Variants in CACNA1G observed in about 807,000 individuals in gnomAD.
The protein encoded by CACNA1G is voltage-dependent T-type calcium channel subunit alpha-1G.
CACNA1G carries 67 observed loss-of-function variants against 219.4 expected under a neutral mutation model. The observed-to-expected ratio is 0.31, with a 90% confidence interval of 0.25 to 0.37. The LOEUF (loss-of-function observed/expected upper bound fraction) is 0.37, where lower values mean the gene tolerates loss of function less well. Among genes scored for constraint, CACNA1G ranks in the 10% least tolerant of loss-of-function variants. CACNA1G has a pLI of 1.00. For missense variants in CACNA1G, 2,380 were observed against 3,231.4 expected, an observed-to-expected ratio of 0.74 and a Z score of 6.39; for synonymous variants, 1,296 against 1,345.3, an observed-to-expected ratio of 0.96 and a Z score of 0.80.
chr17:50,573,580 A>G (rs1446572314), intron 7 of CACNA1G: 1 of 153,724 alleles, frequency 6.5e-6, no homozygotes, highest in Non-Finnish European at 1.4e-5. Flanking sequence ...TTTTGTAAGG[A>G]CAAGGGGAGT....
rs2050835003 is a variant in CACNA1G, at chr17:50,617,467, T to C, written c.5051T>C (p.Leu1684Pro). The change falls in exon 29 of 38, where the codon CTG becomes CCG. Residue 1684 changes from leucine to proline, a missense_variant. Transcript: ENST00000359106. This position sits in a 1 kb window ranked among gnomAD's most constrained non-coding sequence, Gnocchi z 5.8. Reference protein sequence around the residue: ...RWNQLDLAIVLLSIMGITLEE... With the variant: ...RWNQLDLAIVPLSIMGITLEE... The stretch of plus-strand genomic sequence containing the variant: ...AACCAGCTGGACCTGGCCATTGTGC[T>C]GCTGTCCATCATGGGCATCACGCTG... 6.2e-7 allele frequency: 1 copy of C among 1,613,818 alleles called. No individual in the cohort carries two copies.
chr17:50,624,341 C>CCGA lies in CACNA1G; in HGVS notation c.6230-19_6230-18insCGA. 6.8e-7 allele frequency: 1 copy of CCGA among 1,471,222 alleles called. No homozygotes were observed. Among genetic ancestry groups the CCGA allele is most frequent in the Non-Finnish European group, 9.3e-7 (1 of 1,076,544 alleles). 91.1% of individuals were successfully genotyped at this position (1,471,222 alleles called of 1,614,324 possible). ...CCATTCTCTCCCCCCACCCCTCCCC[C>CCGA]GCTTCCCTCCCTCCACAGGCTCCGT... On this transcript the variant is annotated intron_variant, in intron 36 of 37. Coordinates refer to ENST00000359106, the MANE Select transcript of CACNA1G (RefSeq NM_018896.5).
rs898084056 is a variant in CACNA1G, at chr17:50,571,065, A to G, written c.587-813A>G. Among the ~76,000 whole-genome samples the G allele has an allele frequency of 2.6e-5, 4 of 152,194 alleles. No individual in the cohort carries two copies. Among genetic ancestry groups the G allele is most frequent in the Non-Finnish European group, 4.4e-5 (3 of 68,042 alleles). On this transcript the variant is annotated intron_variant, in intron 4 of 37. Transcript: ENST00000359106. This position sits in a 1 kb window ranked among gnomAD's most constrained non-coding sequence, Gnocchi z 4.3. ...GCCGGTTGGGTTCTAGACCTGGAGT[A>G]CGGAGAGAGGGAAGTAACCCTAACA...
At chr17:50,622,964 G>T (rs2052525980) in intron 35 of CACNA1G, among the ~76,000 whole-genome samples, 2 of 152,072 alleles carry the variant, frequency 1.3e-5, no homozygotes, top group Non-Finnish European at 2.9e-5. Flanking sequence ...TGGGGCTGCT[G>T]TAAGAACTGG....
chr17:50,599,538 C>G lies in CACNA1G; in HGVS notation c.3369C>G (p.Ser1123Arg), dbSNP rs1359160653. Residue 1123 changes from serine to arginine, a missense_variant, in exon 17 of 38, where the codon AGC becomes AGG. Coordinates refer to ENST00000359106, the MANE Select transcript of CACNA1G (RefSeq NM_018896.5). Reference sequence around the variant, plus strand: ...GTGCACCCAGCCTGAAGCGGAGAAGCCCAAGTGGAGAGCGGCGGTCCCTGT... The same window carrying G: ...GTGCACCCAGCCTGAAGCGGAGAAGGCCAAGTGGAGAGCGGCGGTCCCTGT... ...LGRAPSLKRRSPSGERRSLLS... is the reference protein window; with the variant it reads ...LGRAPSLKRRRPSGERRSLLS... 1 of 1,612,528 alleles carries G rather than the reference C, an allele frequency of 6.2e-7. No individual in the cohort carries two copies. The highest frequency in any genetic ancestry group is 2.2e-5 in the East Asian group (1 of 44,842).
chr17:50,589,282 G>T (rs2043657803), intron 9 of CACNA1G, among the ~76,000 whole-genome samples: 1 of 152,042 alleles, frequency 6.6e-6, no homozygotes, highest in African/African-American at 2.4e-5. Context: ...TGGCTGGGGA[G>T]ACTCCACAAA....
rs1346733810 is a variant in CACNA1G at position 50,565,127 on chromosome 17, GCGCGCACACACACA to G, written c.242+3442_242+3455del. Among the ~76,000 whole-genome samples, 37 of 129,436 alleles carry G rather than the reference GCGCGCACACACACA, an allele frequency of 2.9e-4. 1 individual carries two copies. Among genetic ancestry groups the G allele is most frequent in the Admixed American group, 1.6e-3 (21 of 13,038 alleles). The allele number at this position is 129,436 out of a possible 152,430, so 84.9% of individuals were successfully genotyped here. On this transcript the variant is annotated intron_variant, in intron 1 of 37. Coordinates refer to ENST00000359106, the MANE Select transcript of CACNA1G (RefSeq NM_018896.5). ...TGCTCACACGCAGACATGCGCACGC[GCGCGCACACACACA>G]CGCGCACACACACACACAGAGTCAC...
rs183247374 is a variant in CACNA1G at position 50,587,608 on chromosome 17, G to A, written c.2302-2863G>A. On this transcript the variant is annotated intron_variant, in intron 9 of 37. Coordinates refer to ENST00000359106, the MANE Select transcript of CACNA1G (RefSeq NM_018896.5). ...CTGGAGGGAATACCGGGGCCCTGGA[G>A]AAGAAGTGGCATTTACCCTAAGTGT... 7.2e-5 allele frequency among the ~76,000 whole-genome samples: 11 copies of A among 152,362 alleles called. No individual in the cohort carries two copies. The East Asian group carries it at 1.9e-3, about 27-fold the overall frequency.
chr17:50,568,345 T>C (rs968509663), intron 1 of CACNA1G, among the ~76,000 whole-genome samples: 2 of 152,164 alleles, frequency 1.3e-5, no homozygotes, highest in Non-Finnish European at 2.9e-5. Context: ...CCTCGAGTTC[T>C]GGGGAAGAAA....
intron 25 of CACNA1G, among the ~76,000 whole-genome samples, chr17:50,609,568 G>A (rs1479054449): frequency 2.6e-5 from 4 of 152,094 alleles, no homozygotes; most frequent in Non-Finnish European, 5.9e-5. Context: ...CCCCTTCTGG[G>A]GTCTGTAGCT....
Position 50,626,621 on chromosome 17 carries a change from C to A in CACNA1G, c.7004C>A (p.Ala2335Asp), listed in dbSNP as rs760277127. 6.2e-7 allele frequency: 1 copy of A among 1,612,984 alleles called. No homozygotes were observed. The highest frequency in any genetic ancestry group is 8.5e-7 in the Non-Finnish European group (1 of 1,179,776). ...PSPGICLRRR[A>D]PSSDSKDPLA... ...CCTGGTATCTGCCTCCGGAGGAGGGCTCCGTCCAGCGACTCCAAGGATCCC... is the reference window on the plus strand; with the variant it reads ...CCTGGTATCTGCCTCCGGAGGAGGGATCCGTCCAGCGACTCCAAGGATCCC... Residue 2335 changes from alanine (A) to aspartate (D), a missense_variant, in exon 38 of 38, where the codon GCT becomes GAT. Physicochemically the swap from Ala to Asp is moderately radical, Grantham distance 126. Around this residue, in one of 17 missense-constraint regions of CACNA1G, gnomAD observed 672 missense variants for 670.5 expected, o/e 1.00. Coordinates refer to ENST00000359106, the MANE Select transcript of CACNA1G (RefSeq NM_018896.5). The surrounding 1 kb of genome is among the most constrained non-coding windows in gnomAD (Gnocchi z 4.3).
rs2039733248 is a variant in CACNA1G at position 50,572,751 on chromosome 17, A to G, written c.944A>G (p.Asn315Ser). The stretch of plus-strand genomic sequence containing the variant: ...AGCTCCAGCAACACCACCTGTGTCA[A>G]CTGGAACCAGTACTACACCAACTGC... ...YNSSSNTTCV[N>S]WNQYYTNCSA... Residue 315 changes from asparagine to serine, a missense_variant, in exon 6 of 38, where the codon AAC (asparagine) becomes AGC (serine). By Grantham distance (46) the Asn-to-Ser change is conservative. Coordinates refer to ENST00000359106, the MANE Select transcript of CACNA1G (RefSeq NM_018896.5). 1 of 1,614,020 alleles carries G rather than the reference A, an allele frequency of 6.2e-7. No individual in the cohort carries two copies. Among genetic ancestry groups the G allele is most frequent in the Non-Finnish European group, 8.5e-7 (1 of 1,179,890 alleles).
At chr17:50,609,814 G>T in intron 25 of CACNA1G, 68 bp from the exon 26 acceptor site, 2 of 1,447,916 alleles carry the variant, frequency 1.4e-6, no homozygotes, top group Non-Finnish European at 1.9e-6. Context: ...AGGGGAAGCC[G>T]CCCCTGAGGG....
At chr17:50,616,632 T>C (rs901789692) in intron 28 of CACNA1G, among the ~76,000 whole-genome samples, 1 of 152,110 alleles carries the variant, frequency 6.6e-6, no homozygotes, top group Admixed American at 6.6e-5. Flanking sequence ...GAAATCAGTG[T>C]GACCTAGCCT....
At chr17:50,568,470 A>G in intron 1 of CACNA1G, among the ~76,000 whole-genome samples, 1 of 152,262 alleles carries the variant, frequency 6.6e-6, no homozygotes, top group African/African-American at 2.4e-5. Context: ...TGTATAACAC[A>G]TTCACATACA....
At position 50,590,652 on chromosome 17, in the gene CACNA1G, G is replaced by C. The variant is rs8064333; in HGVS notation, c.2453+30G>C. 648,995 of 1,604,506 alleles carry C rather than the reference G, an allele frequency of 0.4. 139,695 individuals are homozygous for C. Among genetic ancestry groups the C allele is most frequent in the East Asian group, 0.91 (40,556 of 44,678 alleles). The stretch of plus-strand genomic sequence containing the variant: ...GACTACCCCCCGGCACTGACTCTCA[G>C]TTGAGGAATGGTAGCAGGGGTGGCT... On this transcript the variant is annotated intron_variant, in intron 10 of 37. Transcript: ENST00000359106.
At chr17:50,623,235 A>C (rs371307839) in intron 35 of CACNA1G, among the ~76,000 whole-genome samples, 1 of 139,484 alleles carries the variant, frequency 7.2e-6, no homozygotes, top group East Asian at 2.1e-4. Flanking sequence ...AGCTGGGATT[A>C]CAGGTGCCAC....
rs540343843 is a variant in CACNA1G, at chr17:50,621,203, C to T, written c.5926-457C>T. On this transcript the variant is annotated intron_variant, in intron 34 of 37. Transcript: ENST00000359106. This position sits in a 1 kb window ranked among gnomAD's most constrained non-coding sequence, Gnocchi z 4.6. ...GTCAGATTGGTGGCATTGTCGCCGG[C>T]GCCCCCCGTGCCGCTCTGTCTGTGC... 1.3e-5 allele frequency among the ~76,000 whole-genome samples: 2 copies of T among 151,824 alleles called. No individual in the cohort carries two copies. Among genetic ancestry groups the T allele is most frequent in the African/African-American group, 2.4e-5 (1 of 41,302 alleles).
At chr17:50,580,778 A>T (rs1288091463) in intron 9 of CACNA1G, among the ~76,000 whole-genome samples, 1 of 152,142 alleles carries the variant, frequency 6.6e-6, no homozygotes, top group Non-Finnish European at 1.5e-5. Flanking sequence ...GGTGAGCGGG[A>T]GTCCCCAGCA....
Sources: allele counts gnomAD v4.1 joint callset (sites outside exome capture counted in the v4.1 genomes callset), GRCh38; gene constraint gnomAD v4.1.1; regional missense constraint gnomAD v4.1.1; non-coding constraint Gnocchi (gnomAD v3.1); transcripts MANE v1.5; gene names NCBI Gene and HGNC (gene_info 2026-07-23, HGNC 2026-07-21).